The following CFAP57 variants were observed in gnomAD, a reference collection of about 807,000 sequenced individuals.
The protein encoded by CFAP57 is cilia- and flagella-associated protein 57.
CFAP57 carries 116 observed loss-of-function variants against 146.8 expected under a neutral mutation model. That is an observed-to-expected ratio of 0.79 (90% confidence interval 0.68 to 0.92). The LOEUF is 0.92. CFAP57 is among the 40% of genes least tolerant of loss of function. The pLI, the probability that CFAP57 is intolerant of heterozygous loss-of-function variation, is 0.00. For synonymous variants in CFAP57, 518 were observed against 552.8 expected, an observed-to-expected ratio of 0.94 and a Z score of 0.88; for missense variants, 1,377 against 1,527.2, an observed-to-expected ratio of 0.90 and a Z score of 1.64.
chr1:43,227,209 G>A, intron 18 of CFAP57, 83 bp downstream of exon 18: 1 of 1,386,196 alleles, frequency 7.2e-7, no homozygotes, highest in Admixed American at 3.1e-5. Flanking sequence ...CAGGGACTGA[G>A]GAGAAGCTCT....
Position 43,227,033 on chromosome 1 carries a change from C to G in CFAP57, c.2916C>G (p.Phe972Leu). 1 of 1,536,362 alleles carries G rather than the reference C, an allele frequency of 6.5e-7. No individual in the cohort carries two copies. Among genetic ancestry groups the G allele is most frequent in the Non-Finnish European group, 8.8e-7 (1 of 1,141,672 alleles). Reference protein sequence around the residue: ...LKKKNQELGKFKFVLDYKIKE... With the variant: ...LKKKNQELGKLKFVLDYKIKE... Reference sequence around the variant, plus strand: ...AGAAAAATCAAGAACTAGGGAAATTCAAGTTTGTGCTTGACTACAAAATAA... The same window carrying G: ...AGAAAAATCAAGAACTAGGGAAATTGAAGTTTGTGCTTGACTACAAAATAA... The change falls in exon 18 of 23, where the codon TTC (phenylalanine) becomes TTG (leucine). Residue 972 changes from phenylalanine (F) to leucine (L), a missense_variant. By Grantham distance (22) the Phe-to-Leu change is conservative. Coordinates refer to ENST00000372492, the MANE Select transcript of CFAP57 (RefSeq NM_001378189.1).
In CFAP57 at chr1:43,241,059, C is replaced by T. The variant is rs1645896460; in HGVS notation, c.3406-2168C>T. 2.0e-5 allele frequency among the ~76,000 whole-genome samples: 3 copies of T among 152,340 alleles called. No homozygotes were observed. In the South Asian group the frequency reaches 6.2e-4, roughly 32 times the overall value. On this transcript the variant is annotated intron_variant, in intron 21 of 22. Coordinates refer to ENST00000372492, the MANE Select transcript of CFAP57 (RefSeq NM_001378189.1). ...CCATGTTAGCCAGGATGGTCTTGATCTCCTGACCTCATGATCCACCTGCCT... is the reference window on the plus strand; with the variant it reads ...CCATGTTAGCCAGGATGGTCTTGATTTCCTGACCTCATGATCCACCTGCCT...
rs760050120 is a variant in CFAP57 at position 43,224,090 on chromosome 1, C to T, written c.2751C>T (p.Ile917=). ...AGATTGAAGAACGAACCAATGACAT[C>T]GAGACCCTAAAAGGAGAGCAGATGA... ...QKEIEERTND[I]ETLKGEQMKL... The change falls in exon 17 of 23, where the codon ATC becomes ATT. Residue 917 remains isoleucine, a synonymous_variant. Transcript: ENST00000372492. 3.6e-5 allele frequency: 56 copies of T among 1,550,356 alleles called. 1 individual carries two copies. Among genetic ancestry groups the T allele is most frequent in the South Asian group, 1.5e-4 (13 of 84,048 alleles).
intron 6 of CFAP57, among the ~76,000 whole-genome samples, chr1:43,194,264 T>A (rs935074278): frequency 6.6e-6 from 1 of 152,180 alleles, no homozygotes; most frequent in African/African-American, 2.4e-5. Context: ...GAACATGTTA[T>A]CCCATTCTCT....
chr1:43,207,825 C>G (rs934672812), intron 10 of CFAP57, among the ~76,000 whole-genome samples: 1 of 152,230 alleles, frequency 6.6e-6, no homozygotes, highest in African/African-American at 2.4e-5. Context: ...CGGCAGCAAG[C>G]TAGCCCAAGG....
chr1:43,185,337 G>T lies in CFAP57; in HGVS notation c.950G>T (p.Arg317Leu). 1 of 1,614,026 alleles carries T rather than the reference G, an allele frequency of 6.2e-7. No individual in the cohort carries two copies. The highest frequency in any genetic ancestry group is 8.5e-7 in the Non-Finnish European group (1 of 1,179,986). The change falls in exon 5 of 23, where the codon CGT becomes CTT. Residue 317 changes from arginine (R) to leucine (L), a missense_variant. Transcript: ENST00000372492. Reference protein sequence around the residue: ...FEKMEEKDFYRESREIRIPVD... With the variant: ...FEKMEEKDFYLESREIRIPVD... The stretch of plus-strand genomic sequence containing the variant: ...AAGATGGAAGAAAAGGATTTTTACC[G>T]TGAGAGCAGAGAAATCAGGGTAAGG...
chr1:43,177,744 A>G (rs561829516), intron 2 of CFAP57, among the ~76,000 whole-genome samples: 131 of 152,324 alleles, frequency 8.6e-4, no homozygotes, highest in African/African-American at 2.5e-3. Context: ...GAGAGCACAC[A>G]ATCTAGATCC....
chr1:43,197,745 T>G, intron 7 of CFAP57, 53 bp downstream of exon 7: 1 of 1,603,014 alleles, frequency 6.2e-7, no homozygotes, highest in Non-Finnish European at 8.5e-7. Context: ...AGTTGTGAAT[T>G]TATGTGAATT....
At chr1:43,219,595 C>G (rs1644966641) in intron 13 of CFAP57, 58 bp downstream of exon 13, 1 of 1,535,902 alleles carries the variant, frequency 6.5e-7, no homozygotes, top group African/African-American at 1.4e-5. Flanking sequence ...ACTTTCAAGA[C>G]AGGACTGGCA....
chr1:43,180,223 T>TTATATATATATA (rs1289107795), intron 2 of CFAP57, among the ~76,000 whole-genome samples: 4 of 137,400 alleles, frequency 2.9e-5, no homozygotes, highest in African/African-American at 8.3e-5. Flanking sequence ...TATATATATT[T>TTATATATATATA]TATATATATA....
intron 4 of CFAP57, among the ~76,000 whole-genome samples, chr1:43,184,456 C>T (rs1435299886): frequency 1.3e-5 from 2 of 152,196 alleles, no homozygotes; most frequent in Non-Finnish European, 2.9e-5. Context: ...ATGCACCAGA[C>T]ACTGCTTTAA....
intron 12 of CFAP57, among the ~76,000 whole-genome samples, chr1:43,218,264 T>C (rs1644913098): frequency 6.6e-6 from 1 of 152,120 alleles, no homozygotes; most frequent in Non-Finnish European, 1.5e-5. Flanking sequence ...GGTGTGTGTA[T>C]TATAGTATTT....
intron 17 of CFAP57, 54 bp downstream of exon 17, chr1:43,224,258 G>A (rs1384700683): frequency 3.4e-6 from 5 of 1,469,182 alleles, no homozygotes; most frequent in Non-Finnish European, 4.5e-6. Flanking sequence ...CCAAGGCGAG[G>A]AAGGCAAAGC....
intron 17 of CFAP57, among the ~76,000 whole-genome samples, chr1:43,225,279 C>A (rs184702922): frequency 4.6e-5 from 7 of 152,338 alleles, no homozygotes; most frequent in Admixed American, 3.9e-4. Flanking sequence ...AAAGCCCTCA[C>A]AGCTCCCCAT....
chr1:43,222,027 A>AG, intron 14 of CFAP57, 78 bp from the exon 15 acceptor site: 1 of 1,299,478 alleles, frequency 7.7e-7, no homozygotes, highest in Non-Finnish European at 1.0e-6. Flanking sequence ...AAGGGATGGG[A>AG]GAGCGCCCAA....
Position 43,209,790 on chromosome 1 carries a change from C to T in CFAP57, c.1803C>T (p.Val601=). ...TTGATGTCACCTACACCGCCATTGT[C>T]ATCTCGCATTCTGGACGCATGATGT... ...SAFDVTYTAI[V]ISHSGRMMFV... Residue 601 remains valine (V), a synonymous_variant, in exon 11 of 23, where the codon GTC becomes GTT. Coordinates refer to ENST00000372492, the MANE Select transcript of CFAP57 (RefSeq NM_001378189.1). The T allele has an allele frequency of 1.2e-6, 2 of 1,614,198 alleles. No individual in the cohort carries two copies. Among genetic ancestry groups the T allele is most frequent in the South Asian group, 2.2e-5 (2 of 91,072 alleles).
At chr1:43,229,626 G>T (rs1171064647) in intron 18 of CFAP57, among the ~76,000 whole-genome samples, 2 of 148,872 alleles carry the variant, frequency 1.3e-5, no homozygotes, top group Non-Finnish European at 3.0e-5. Flanking sequence ...ACTTGGCTCT[G>T]ATGATCCAAG....
intron 22 of CFAP57, chr1:43,250,221 T>TG (rs1478851724): frequency 6.6e-6 from 1 of 152,184 alleles, no homozygotes; most frequent in Non-Finnish European, 1.5e-5. Flanking sequence ...AATTTTACCT[T>TG]AGAACTCTAG....
At chr1:43,215,171 G>T in intron 11 of CFAP57, 84 bp from the exon 12 acceptor site, 2 of 1,500,722 alleles carry the variant, frequency 1.3e-6, no homozygotes, top group South Asian at 1.2e-5. Flanking sequence ...GATTGCATGG[G>T]GGGAAGCCTT....
Sources: allele counts gnomAD v4.1 joint callset (sites outside exome capture counted in the v4.1 genomes callset), GRCh38; gene constraint gnomAD v4.1.1; transcripts MANE v1.5; gene names NCBI Gene and HGNC (gene_info 2026-07-23, HGNC 2026-07-21).